STRN3: variants seen among roughly 807,000 people sequenced by gnomAD.
STRN3 encodes the protein striatin 3.
A neutral mutation model predicts 95.6 loss-of-function variants in STRN3; 29 were observed. The ratio of observed to expected loss-of-function variants is 0.30; its 90% confidence interval spans 0.23 to 0.41. The LOEUF is 0.41. Ranked by LOEUF, STRN3 falls within the 10% of genes least tolerant of loss-of-function variation. The pLI, the probability that STRN3 is intolerant of heterozygous loss-of-function variation, is 1.00. For missense variants in STRN3, 890 were observed against 972.1 expected (o/e 0.92, Z 1.12); for synonymous variants, 331 against 357.6 (o/e 0.93, Z 0.84).
At chr14:30,955,514 T>C in intron 3 of STRN3, 106 bp downstream of exon 3, 5 of 891,688 alleles carry the variant, frequency 5.6e-6, no homozygotes, top group South Asian at 1.7e-5. Context: ...CAGTTTACAA[T>C]AGTCATTCTC....
chr14:30,956,030 G>A, intron 2 of STRN3, 109 bp downstream of exon 2: 1 of 820,442 alleles, frequency 1.2e-6, no homozygotes, highest in South Asian at 1.9e-5. Context: ...CATGTATTCG[G>A]GCAAGGATTT....
At chr14:30,944,466 T>C (rs1485671979) in intron 5 of STRN3, among the ~76,000 whole-genome samples, 1 of 149,802 alleles carries the variant, frequency 6.7e-6, no homozygotes, top group African/African-American at 2.4e-5. Flanking sequence ...CACATATGTA[T>C]ATGTGTATAT....
At chr14:30,997,714 C>T (rs1223719196) in intron 1 of STRN3, among the ~76,000 whole-genome samples, 3 of 152,140 alleles carry the variant, frequency 2.0e-5, no homozygotes, top group Non-Finnish European at 4.4e-5. Context: ...AATACAAACA[C>T]CCAAGATCCC....
At chr14:30,960,633 G>A (rs1199904196) in intron 1 of STRN3, among the ~76,000 whole-genome samples, 1 of 152,120 alleles carries the variant, frequency 6.6e-6, no homozygotes. Context: ...ACTTTGGGAG[G>A]CTGAGGCGGG....
At chr14:30,953,935 T>G (rs555894227) in intron 3 of STRN3, among the ~76,000 whole-genome samples, 1 of 152,240 alleles carries the variant, frequency 6.6e-6, no homozygotes, top group African/African-American at 2.4e-5. Flanking sequence ...GGCCTAGGTA[T>G]GTTATATCCT....
At chr14:30,896,021 T>C (rs909946665) in intron 16 of STRN3, among the ~76,000 whole-genome samples, 9 of 152,294 alleles carry the variant, frequency 5.9e-5, no homozygotes, top group African/African-American at 1.4e-4. Flanking sequence ...AATTAAGCAG[T>C]CACTCCTATT....
At chr14:30,910,847 T>TCTGTTGTTTAAGC (rs1896588293) in intron 13 of STRN3, among the ~76,000 whole-genome samples, 194 bp downstream of exon 13, 1 of 152,178 alleles carries the variant, frequency 6.6e-6, no homozygotes, top group Admixed American at 6.5e-5. Context: ...AGAGAAAGTA[T>TCTGTTGTTTAAGC]CAATTCATAG....
intron 1 of STRN3, among the ~76,000 whole-genome samples, chr14:30,963,736 A>G (rs1263078943): frequency 6.6e-6 from 1 of 152,228 alleles, no homozygotes; most frequent in Non-Finnish European, 1.5e-5. Flanking sequence ...AAAAAGACAG[A>G]TATCAAAGTT....
At chr14:30,951,041 C>G in intron 3 of STRN3, 97 bp from the exon 4 acceptor site, 1 of 1,019,994 alleles carries the variant, frequency 9.8e-7, no homozygotes, top group Non-Finnish European at 1.5e-6. Flanking sequence ...AAAAACATAC[C>G]TATTTTATAA....
chr14:30,897,221 G>T (rs1896180161), intron 16 of STRN3, among the ~76,000 whole-genome samples: 1 of 152,152 alleles, frequency 6.6e-6, no homozygotes, highest in South Asian at 2.1e-4. Flanking sequence ...TGGGGCTATA[G>T]CTGTTGACCT....
chr14:30,954,797 C>G (rs1345517973), intron 3 of STRN3, among the ~76,000 whole-genome samples: 1 of 152,064 alleles, frequency 6.6e-6, no homozygotes, highest in Non-Finnish European at 1.5e-5. Context: ...GCCTCTACTG[C>G]AGGCTCAGTG....
intron 8 of STRN3, among the ~76,000 whole-genome samples, chr14:30,925,442 G>A (rs1391025927): frequency 6.6e-6 from 1 of 152,018 alleles, no homozygotes; most frequent in Non-Finnish European, 1.5e-5. Flanking sequence ...GATTCCATAT[G>A]GTAAAGTTAG....
Position 30,957,468 on chromosome 14 carries a change from A to AAGAGAG in STRN3, c.283-1232_283-1227dup, listed in dbSNP as rs10656199. Among the ~76,000 whole-genome samples the AAGAGAG allele has an allele frequency of 5.5e-4, 76 of 139,128 alleles. 1 individual carries two copies. Among genetic ancestry groups the AAGAGAG allele is most frequent in the Middle Eastern group, 3.7e-3 (1 of 270 alleles). The allele number at this position is 139,128 out of a possible 152,430, so 91.3% of individuals were successfully genotyped here. Reference sequence around the variant, plus strand: ...ACTCCATTTCAAAAAAAAAAAAAAAAAGAGAGAGAGAAAAAAGAAAATGTA... The same window carrying AAGAGAG: ...ACTCCATTTCAAAAAAAAAAAAAAAAAGAGAGAGAGAGAGAGAAAAAAGAAAATGTA... On this transcript the variant is annotated intron_variant, in intron 1 of 17. Coordinates refer to ENST00000357479, the MANE Select transcript of STRN3 (RefSeq NM_001083893.2).
chr14:30,935,289 A>C lies in STRN3; in HGVS notation c.862T>G (p.Leu288Val). The change falls in exon 7 of 18, where the codon TTA (leucine) becomes GTA (valine). Residue 288 changes from leucine (L) to valine (V), a missense_variant. Physicochemically the swap from Leu to Val is conservative, Grantham distance 32. Around this residue, in one of 3 missense-constraint regions of STRN3, gnomAD observed 526 missense variants for 526.3 expected, o/e 1.00. Transcript: ENST00000357479. ...GGATCGTCAGTTAGGTCAGCAGCTA[A>C]ACCTTCATTACCTATCTGTAAATAG... ...MNKHKIGNEG[L>V]AADLTDDPDT... 1 of 1,613,994 alleles carries C rather than the reference A, an allele frequency of 6.2e-7. No individual in the cohort carries two copies. The highest frequency in any genetic ancestry group is 1.3e-5 in the African/African-American group (1 of 75,034).
chr14:31,017,031 T>A (rs1314792397), intron 1 of STRN3, among the ~76,000 whole-genome samples: 1 of 152,014 alleles, frequency 6.6e-6, no homozygotes, highest in Non-Finnish European at 1.5e-5. Flanking sequence ...GGCGGGTGCC[T>A]GTAGTCCTAG....
chr14:30,968,723 C>A (rs552053829), intron 1 of STRN3, among the ~76,000 whole-genome samples: 14 of 148,168 alleles, frequency 9.4e-5, no homozygotes, highest in Non-Finnish European at 1.6e-4. Flanking sequence ...AAAGTTGAGG[C>A]ATGTCTAAGA....
In STRN3 at chr14:31,026,232, G is replaced by A. The variant is rs1277445827; in HGVS notation, c.-47C>T. 2.2e-6 allele frequency: 3 copies of A among 1,376,678 alleles called. No individual in the cohort carries two copies. The highest frequency in any genetic ancestry group is 7.7e-5 in the Admixed American group (2 of 26,114). The allele number at this position is 1,376,678 out of a possible 1,614,324, so 85.3% of individuals were successfully genotyped here. A position where few individuals can be genotyped will look rare whatever the true frequency, so the allele number is the denominator to read the frequency against. On this transcript the variant is annotated 5_prime_UTR_variant, in exon 1 of 18. Transcript: ENST00000357479. The stretch of plus-strand genomic sequence containing the variant: ...GGCGCAGGGCGAGACGCCGACAGCT[G>A]GGGGAAGGGCCGGAGAGGGTGGCCC...
rs1896056996 is a variant in STRN3, at chr14:30,893,808, T to C, written c.*1603A>G. 1 of 152,600 alleles carries C rather than the reference T, an allele frequency of 6.6e-6. No homozygotes were observed. Among genetic ancestry groups the C allele is most frequent in the South Asian group, 2.1e-4 (1 of 4,832 alleles). 9.5% of individuals were successfully genotyped at this position (152,600 alleles called of 1,614,324 possible). The stretch of plus-strand genomic sequence containing the variant: ...TGAAGGACTCACTAAGAAATCTCCA[T>C]TTCCTAGTTTAATTATGGAGAATAA... On this transcript the variant is annotated 3_prime_UTR_variant, in exon 18 of 18. Transcript: ENST00000357479.
intron 1 of STRN3, among the ~76,000 whole-genome samples, chr14:31,019,708 T>C (rs566486817): frequency 6.6e-6 from 1 of 152,146 alleles, no homozygotes; most frequent in East Asian, 1.9e-4. Flanking sequence ...AAGCAAAATT[T>C]TCTTACCTTT....
Sources: allele counts gnomAD v4.1 joint callset (sites outside exome capture counted in the v4.1 genomes callset), GRCh38; gene constraint gnomAD v4.1.1; regional missense constraint gnomAD v4.1.1; transcripts MANE v1.5; gene names NCBI Gene and HGNC (gene_info 2026-07-23, HGNC 2026-07-21).